DENND1A: variants seen among roughly 807,000 people sequenced by gnomAD.
The protein encoded by DENND1A is DENN domain containing 1A.
A neutral mutation model predicts 113.7 loss-of-function variants in DENND1A; 51 were observed. The ratio of observed to expected loss-of-function variants is 0.45; its 90% CI spans 0.36 to 0.57. The LOEUF (loss-of-function observed/expected upper bound fraction) is 0.57. Among genes scored for constraint, DENND1A ranks in the 20% least tolerant of loss-of-function variants. The probability of loss-of-function intolerance (pLI) is 0.00; values close to 1 mark genes in which losing one functional copy is unlikely to be tolerated. For synonymous variants in DENND1A, 565 were observed against 570.8 expected (o/e 0.99, Z 0.14); for missense variants, 1,258 against 1,395.9 (o/e 0.90, Z 1.57).
intron 2 of DENND1A, among the ~76,000 whole-genome samples, chr9:123,806,999 TGAAA>T (rs949717992): frequency 1.3e-5 from 2 of 152,210 alleles, no homozygotes; most frequent in Non-Finnish European, 2.9e-5. Context: ...TTGCAAAAAT[TGAAA>T]GAGTGTTAAT....
At chr9:123,594,317 A>G (rs1407254008) in intron 11 of DENND1A, among the ~76,000 whole-genome samples, 1 of 152,204 alleles carries the variant, frequency 6.6e-6, no homozygotes, top group East Asian at 1.9e-4. Context: ...TTTCTCCCAC[A>G]GCCCAACTCC....
At position 123,382,149 on chromosome 9, in the gene DENND1A, G is replaced by C; in HGVS notation, c.2496C>G (p.Gly832=). 2 of 1,604,226 alleles carry C rather than the reference G, an allele frequency of 1.2e-6. No homozygotes were observed. Among genetic ancestry groups the C allele is most frequent in the Non-Finnish European group, 1.7e-6 (2 of 1,176,422 alleles). ...PTELLQPLSP[G]PGAAGTSSDA... ...CACTGCTCGTGCCTGCAGCCCCGGGGCCAGGGCTGAGCGGCTGGAGCAGTT... is the reference window on the plus strand; with the variant it reads ...CACTGCTCGTGCCTGCAGCCCCGGGCCCAGGGCTGAGCGGCTGGAGCAGTT... Residue 832 remains glycine (G), a synonymous_variant, in exon 24 of 24, where the codon GGC becomes GGG. Coordinates refer to ENST00000394215, the MANE Select transcript of DENND1A (RefSeq NM_001352964.2).
chr9:123,714,877 C>T (rs867542006), intron 5 of DENND1A, among the ~76,000 whole-genome samples: 6 of 152,082 alleles, frequency 3.9e-5, no homozygotes, highest in Admixed American at 2.6e-4. Flanking sequence ...TTTTCAGTAA[C>T]TTCTAAAATA....
rs558336206 is a variant in DENND1A at position 123,875,692 on chromosome 9, C to T, written c.88+3259G>A. On this transcript the variant is annotated intron_variant, in intron 2 of 23. Transcript: ENST00000394215. Reference sequence around the variant, plus strand: ...AGTCCACTCCCAGGAGGACAGACCCCAGGGGAGAGACTCACACAGGCTCCA... The same window carrying T: ...AGTCCACTCCCAGGAGGACAGACCCTAGGGGAGAGACTCACACAGGCTCCA... Among the ~76,000 whole-genome samples, 43 of 152,300 alleles carry T rather than the reference C, an allele frequency of 2.8e-4. No individual in the cohort carries two copies. In the Middle Eastern group the frequency reaches 0.01, roughly 36 times the overall value.
intron 5 of DENND1A, among the ~76,000 whole-genome samples, chr9:123,728,202 G>A (rs754479227): frequency 3.3e-5 from 5 of 151,794 alleles, no homozygotes; most frequent in Non-Finnish European, 7.4e-5. Flanking sequence ...TTGCAGCTGG[G>A]CGCAGTGGCT....
intron 1 of DENND1A, among the ~76,000 whole-genome samples, chr9:123,908,691 G>A (rs1310935222): frequency 6.6e-6 from 1 of 150,990 alleles, no homozygotes; most frequent in Non-Finnish European, 1.5e-5. Context: ...TAAAAAGTCA[G>A]GAAACAACAG....
At chr9:123,889,200 C>T (rs1849554231) in intron 1 of DENND1A, among the ~76,000 whole-genome samples, 2 of 152,074 alleles carry the variant, frequency 1.3e-5, no homozygotes, top group South Asian at 4.1e-4. Context: ...GTTCAAATCC[C>T]AGGTAGATCC....
intron 3 of DENND1A, among the ~76,000 whole-genome samples, chr9:123,773,812 TTA>T (rs1457093188): frequency 1.3e-5 from 2 of 151,916 alleles, no homozygotes; most frequent in Admixed American, 6.6e-5. Flanking sequence ...TCCACTGGAG[TTA>T]CAGAATGCAG....
intron 5 of DENND1A, among the ~76,000 whole-genome samples, chr9:123,737,433 C>T (rs558650549): frequency 4.2e-4 from 64 of 152,238 alleles, no homozygotes; most frequent in Non-Finnish European, 7.1e-4. Flanking sequence ...GGTAATCCTC[C>T]TGCCTTGACC....
chr9:123,535,192 A>G (rs754813780), intron 13 of DENND1A, among the ~76,000 whole-genome samples: 9 of 152,108 alleles, frequency 5.9e-5, no homozygotes, highest in Non-Finnish European at 1.0e-4. Flanking sequence ...TTTCCCACAC[A>G]ACAGCCAAAA....
At chr9:123,719,508 A>G (rs1317112004) in intron 5 of DENND1A, among the ~76,000 whole-genome samples, 2 of 152,322 alleles carry the variant, frequency 1.3e-5, no homozygotes, top group East Asian at 3.9e-4. Flanking sequence ...CATCCTTGCA[A>G]CGACTGAGAC....
chr9:123,699,801 A>G (rs4097500), intron 5 of DENND1A, among the ~76,000 whole-genome samples: 64,828 of 150,822 alleles, frequency 0.43, 17,074 homozygotes, highest in African/African-American at 0.75. Context: ...AGGTTCAAGC[A>G]ATTCTCCTGC....
At chr9:123,592,381 A>G (rs905761247) in intron 11 of DENND1A, among the ~76,000 whole-genome samples, 1 of 151,676 alleles carries the variant, frequency 6.6e-6, no homozygotes, top group Non-Finnish European at 1.5e-5. Flanking sequence ...AGACTGCCTG[A>G]GTCTGAATCC....
intron 18 of DENND1A, among the ~76,000 whole-genome samples, chr9:123,448,759 C>T (rs2047491192): frequency 6.6e-6 from 1 of 152,236 alleles, no homozygotes; most frequent in Non-Finnish European, 1.5e-5. Context: ...TAAAAATCCA[C>T]TCTCAGCTGA....
intron 1 of DENND1A, among the ~76,000 whole-genome samples, chr9:123,920,285 G>T (rs920944002): frequency 1.3e-5 from 2 of 152,122 alleles, no homozygotes; most frequent in African/African-American, 4.8e-5. Flanking sequence ...CGAAAAATTA[G>T]CCGGACATGG....
At chr9:123,714,865 A>G (rs1189791007) in intron 5 of DENND1A, among the ~76,000 whole-genome samples, 2 of 152,022 alleles carry the variant, frequency 1.3e-5, no homozygotes, top group East Asian at 3.9e-4. Flanking sequence ...CTTAAAAATT[A>G]TTTTTCAGTA....
At chr9:123,819,896 CA>C (rs1472657124) in intron 2 of DENND1A, among the ~76,000 whole-genome samples, 1 of 151,874 alleles carries the variant, frequency 6.6e-6, no homozygotes, top group Non-Finnish European at 1.5e-5. Flanking sequence ...AAATAATCTT[CA>C]AATAAATAAT....
At chr9:123,720,062 T>C (rs1252526829) in intron 5 of DENND1A, among the ~76,000 whole-genome samples, 1 of 152,236 alleles carries the variant, frequency 6.6e-6, no homozygotes, top group Non-Finnish European at 1.5e-5. Context: ...TTTGATTTAA[T>C]TTCCATACTG....
intron 12 of DENND1A, among the ~76,000 whole-genome samples, chr9:123,573,691 C>T (rs904113086): frequency 6.6e-6 from 1 of 152,070 alleles, no homozygotes; most frequent in Admixed American, 6.6e-5. Flanking sequence ...TTAGAATTTT[C>T]CATATACACG....
Sources: allele counts gnomAD v4.1 joint callset (sites outside exome capture counted in the v4.1 genomes callset), GRCh38; gene constraint gnomAD v4.1.1; transcripts MANE v1.5; gene names NCBI Gene and HGNC (gene_info 2026-07-23, HGNC 2026-07-21).